Variants in GRIA1 observed in about 807,000 individuals in gnomAD.
GRIA1 encodes glutamate ionotropic receptor AMPA type subunit 1.
Under a neutral mutation model 99.2 loss-of-function variants are expected in GRIA1, and 31 were observed. The observed-to-expected ratio is 0.31, with a 90% CI of 0.23 to 0.42. GRIA1 has a LOEUF of 0.42. Ranked by LOEUF, GRIA1 falls within the 10% of genes least tolerant of loss-of-function variation. GRIA1 has a pLI of 1.00. For synonymous variants in GRIA1, 438 were observed against 432.4 expected, an observed-to-expected ratio of 1.01 and a Z score of -0.16; for missense variants, 782 against 1,157.5, an observed-to-expected ratio of 0.68 and a Z score of 4.71.
intron 13 of GRIA1, among the ~76,000 whole-genome samples, chr5:153,789,306 C>A (rs1765155603): frequency 7.0e-6 from 1 of 141,860 alleles, no homozygotes; most frequent in Non-Finnish European, 1.6e-5. Flanking sequence ...TCTAATACCT[C>A]TTTTGATATT....
At chr5:153,788,885 T>C (rs961332529) in intron 13 of GRIA1, among the ~76,000 whole-genome samples, 3 of 152,204 alleles carry the variant, frequency 2.0e-5, no homozygotes, top group African/African-American at 7.2e-5. Context: ...CCATCTAGTC[T>C]CCTTCTGAAT....
chr5:153,568,454 G>C (rs1287216935), intron 2 of GRIA1, among the ~76,000 whole-genome samples: 2 of 152,012 alleles, frequency 1.3e-5, no homozygotes, highest in Non-Finnish European at 2.9e-5. Flanking sequence ...CACTGATCTA[G>C]TTTATCAAAA....
intron 2 of GRIA1, among the ~76,000 whole-genome samples, chr5:153,635,966 T>C (rs1753326762): frequency 6.6e-6 from 1 of 152,166 alleles, no homozygotes; most frequent in African/African-American, 2.4e-5. Flanking sequence ...TGTGCCAACA[T>C]GTTAGTTGCA....
Position 153,510,105 on chromosome 5 carries a change from T to G in GRIA1, c.220+16040T>G, listed in dbSNP as rs187048444. Among the ~76,000 whole-genome samples, 142 of 152,284 alleles carry G rather than the reference T, an allele frequency of 9.3e-4. 1 individual carries two copies. Among genetic ancestry groups the G allele is most frequent in the African/African-American group, 2.9e-3 (119 of 41,564 alleles). On this transcript the variant is annotated intron_variant, in intron 2 of 15. Coordinates refer to ENST00000285900, the MANE Select transcript of GRIA1 (RefSeq NM_000827.4). ...AGATGGTTCTTTTTAGTTCTCGAGG[T>G]CTTGCTTGGAGTCAGCTGCCTTAAA...
intron 11 of GRIA1, among the ~76,000 whole-genome samples, chr5:153,740,534 A>C (rs1203457164): frequency 6.6e-6 from 1 of 152,212 alleles, no homozygotes; most frequent in Non-Finnish European, 1.5e-5. Context: ...GCCAACCACT[A>C]TCTTTTCTGA....
chr5:153,670,962 A>T (rs1756126703), intron 5 of GRIA1, among the ~76,000 whole-genome samples: 1 of 152,228 alleles, frequency 6.6e-6, no homozygotes, highest in African/African-American at 2.4e-5. Flanking sequence ...CTGAAATAGG[A>T]GGGAAGATGT....
chr5:153,716,014 AAC>A (rs1759643327), intron 11 of GRIA1, among the ~76,000 whole-genome samples: 1 of 152,212 alleles, frequency 6.6e-6, no homozygotes, highest in South Asian at 2.1e-4. Context: ...AAATAAAAGG[AAC>A]CAGAAAATAA....
intron 10 of GRIA1, among the ~76,000 whole-genome samples, chr5:153,702,516 C>T (rs55839137): frequency 0.015 from 2,265 of 152,304 alleles, 45 homozygotes; most frequent in African/African-American, 0.05. Flanking sequence ...TCACTTTATG[C>T]TTTTTTCTAC....
upstream of GRIA1, chr5:153,489,921 G>A (rs1490317257): frequency 3.6e-5 from 16 of 448,646 alleles, no homozygotes; most frequent in Non-Finnish European, 6.7e-5. Flanking sequence ...AGAGAAGGGG[G>A]CCCATTTTAA....
chr5:153,641,437 A>G (rs1002643669), intron 2 of GRIA1, among the ~76,000 whole-genome samples: 3 of 152,178 alleles, frequency 2.0e-5, no homozygotes, highest in Admixed American at 2.0e-4. Flanking sequence ...AGGTGAGGAT[A>G]GAATTGGACA....
intron 5 of GRIA1, among the ~76,000 whole-genome samples, chr5:153,656,437 A>G (rs935480345): frequency 7.4e-6 from 1 of 135,736 alleles, no homozygotes; most frequent in Non-Finnish European, 1.6e-5. Flanking sequence ...ACTACAGATC[A>G]TTGTATTGAG....
At chr5:153,675,620 T>C (rs1756515495) in intron 6 of GRIA1, among the ~76,000 whole-genome samples, 1 of 152,218 alleles carries the variant, frequency 6.6e-6, no homozygotes, top group Admixed American at 6.5e-5. Context: ...TGCCACTCAA[T>C]CCATTTCTTT....
At chr5:153,504,861 G>A (rs932261824) in intron 2 of GRIA1, among the ~76,000 whole-genome samples, 1 of 152,128 alleles carries the variant, frequency 6.6e-6, no homozygotes, top group Admixed American at 6.5e-5. Context: ...CAGTGACCAG[G>A]ACATTTCCTG....
chr5:153,645,067 TTAAA>T (rs1208239778), intron 2 of GRIA1, among the ~76,000 whole-genome samples: 1 of 152,126 alleles, frequency 6.6e-6, no homozygotes, highest in Non-Finnish European at 1.5e-5. Flanking sequence ...TCTTTGTTGT[TTAAA>T]TAAGATCTCT....
chr5:153,609,665 G>A (rs1355277614), intron 2 of GRIA1, among the ~76,000 whole-genome samples: 2 of 146,946 alleles, frequency 1.4e-5, no homozygotes, highest in Non-Finnish European at 3.0e-5. Context: ...CCGGGTTCAG[G>A]TCATTCTCCT....
intron 11 of GRIA1, among the ~76,000 whole-genome samples, chr5:153,762,977 TC>T (rs1276835837): frequency 2.0e-5 from 3 of 152,210 alleles, no homozygotes; most frequent in African/African-American, 7.2e-5. Flanking sequence ...GGTTAAATGT[TC>T]CTTGTTCCTG....
chr5:153,496,821 G>A (rs553339696), intron 2 of GRIA1, among the ~76,000 whole-genome samples: 28 of 152,262 alleles, frequency 1.8e-4, no homozygotes, highest in Non-Finnish European at 3.2e-4. Context: ...ATCTGAATTA[G>A]TAGTTGCCTT....
At chr5:153,754,008 T>A (rs1175732084) in intron 11 of GRIA1, among the ~76,000 whole-genome samples, 1 of 152,218 alleles carries the variant, frequency 6.6e-6, no homozygotes, top group Non-Finnish European at 1.5e-5. Context: ...TTTGAAAGTG[T>A]TGGTTTCTCA....
chr5:153,549,501 G>T (rs1026360565), intron 2 of GRIA1, among the ~76,000 whole-genome samples: 4 of 152,084 alleles, frequency 2.6e-5, no homozygotes, highest in Non-Finnish European at 1.5e-5. Flanking sequence ...CTGGAAGAAA[G>T]GTCCTCTAGA....
Sources: allele counts gnomAD v4.1 joint callset (sites outside exome capture counted in the v4.1 genomes callset), GRCh38; gene constraint gnomAD v4.1.1; transcripts MANE v1.5; gene names NCBI Gene and HGNC (gene_info 2026-07-23, HGNC 2026-07-21).